SLC6A3: variants seen among roughly 807,000 people sequenced by gnomAD.
The protein encoded by SLC6A3 is sodium-dependent dopamine transporter.
Under a neutral mutation model 70.4 loss-of-function variants are expected in SLC6A3, and 19 were observed. The observed-to-expected ratio is 0.27, with a 90% confidence interval of 0.19 to 0.40. The LOEUF (loss-of-function observed/expected upper bound fraction) is 0.40, where lower values mean the gene tolerates loss of function less well. SLC6A3 is among the 10% of genes least tolerant of loss of function. The pLI, the probability that SLC6A3 is intolerant of heterozygous loss-of-function variation, is 1.00. For synonymous variants in SLC6A3, 368 were observed against 356.6 expected, an observed-to-expected ratio of 1.03 and a Z score of -0.36; for missense variants, 613 against 838.5, an observed-to-expected ratio of 0.73 and a Z score of 3.32.
intron 7 of SLC6A3, among the ~76,000 whole-genome samples, chr5:1,415,618 G>C (rs1267972786): frequency 2.0e-5 from 3 of 152,180 alleles, no homozygotes; most frequent in African/African-American, 7.2e-5. Context: ...ATAAAATTCT[G>C]TTTCTGTTTT....
intron 3 of SLC6A3, among the ~76,000 whole-genome samples, chr5:1,433,131 G>T (rs898371927): frequency 2.6e-5 from 4 of 152,108 alleles, no homozygotes; most frequent in Non-Finnish European, 5.9e-5. Context: ...GGATCATTGA[G>T]GCCATCTAGG....
rs1450031608 is a variant in SLC6A3 at position 1,442,774 on chromosome 5, CG to C, written c.286+137del. On this transcript the variant is annotated intron_variant, in intron 2 of 14. Coordinates refer to ENST00000270349, the MANE Select transcript of SLC6A3 (RefSeq NM_001044.5). This position sits in a 1 kb window ranked among gnomAD's most constrained non-coding sequence, Gnocchi z 5.0. ...TGACATCCTCTGGGAGGATCTGCACCGGCCGTGAGCTCTCACAGGGAGCTCC... is the reference window on the plus strand; with the variant it reads ...TGACATCCTCTGGGAGGATCTGCACCGCCGTGAGCTCTCACAGGGAGCTCC... 4 of 861,054 alleles carry C rather than the reference CG, an allele frequency of 4.6e-6. No individual in the cohort carries two copies. Among genetic ancestry groups the C allele is most frequent in the Non-Finnish European group, 7.7e-6 (4 of 518,566 alleles). 53.3% of individuals were successfully genotyped at this position (861,054 alleles called of 1,614,324 possible).
chr5:1,418,144 C>T (rs1478637021), intron 6 of SLC6A3, among the ~76,000 whole-genome samples: 2 of 152,166 alleles, frequency 1.3e-5, no homozygotes, highest in Non-Finnish European at 2.9e-5. Context: ...CCATGCTGGT[C>T]ATCAGCCACC....
Position 1,406,526 on chromosome 5 carries a change from C to T in SLC6A3, c.1499-238G>A, listed in dbSNP as rs543102189. Among the ~76,000 whole-genome samples, 1 of 152,274 alleles carries T rather than the reference C, an allele frequency of 6.6e-6. No homozygotes were observed. Among genetic ancestry groups the T allele is most frequent in the South Asian group, 2.1e-4 (1 of 4,828 alleles). ...AGATGCACCAGGAAGAGCCGTGCCC[C>T]GGTGGGTGCTCCCCGCGCCCCGGCA... On this transcript the variant is annotated intron_variant, in intron 11 of 14. Coordinates refer to ENST00000270349, the MANE Select transcript of SLC6A3 (RefSeq NM_001044.5). The surrounding 1 kb of genome is among the most constrained non-coding windows in gnomAD (Gnocchi z 8.8).
intron 8 of SLC6A3, among the ~76,000 whole-genome samples, 194 bp downstream of exon 8, chr5:1,414,497 C>CAGAGAAGGCACT (rs1560913041): frequency 2.2e-5 from 1 of 44,848 alleles, no homozygotes. Flanking sequence ...AGGGTCAGGG[C>CAGAGAAGGCACT]GGGGAAGGCG....
At chr5:1,415,558 TGAAA>T (rs1365025525) in intron 7 of SLC6A3, among the ~76,000 whole-genome samples, 1 of 152,080 alleles carries the variant, frequency 6.6e-6, no homozygotes, top group Non-Finnish European at 1.5e-5. Context: ...CCTCATGATG[TGAAA>T]GAAAGTAAGC....
rs369904277 is a variant in SLC6A3, at chr5:1,402,907, C to T, written c.1767+15G>A. 13 of 1,612,140 alleles carry T rather than the reference C, an allele frequency of 8.1e-6. No individual in the cohort carries two copies. Among genetic ancestry groups the T allele is most frequent in the Admixed American group, 3.3e-5 (2 of 59,978 alleles). ...GCCTCACACTCGGGTGAAGGCGCCC[C>T]GTCCAAATACCCACCTCTCGAAAGG... On this transcript the variant is annotated intron_variant, in intron 13 of 14. Transcript: ENST00000270349. This position sits in a 1 kb window ranked among gnomAD's most constrained non-coding sequence, Gnocchi z 8.5.
chr5:1,419,099 A>G (rs1023290142), intron 6 of SLC6A3, among the ~76,000 whole-genome samples: 1 of 146,558 alleles, frequency 6.8e-6, no homozygotes, highest in African/African-American at 2.6e-5. Flanking sequence ...GCTACCTATC[A>G]TTCATCCACC....
At position 1,442,252 on chromosome 5, in the gene SLC6A3, A is replaced by G. The variant is rs1309958710; in HGVS notation, c.286+660T>C. Among the ~76,000 whole-genome samples the G allele has an allele frequency of 3.9e-5, 6 of 152,078 alleles. No individual in the cohort carries two copies. The highest frequency in any genetic ancestry group is 7.2e-5 in the African/African-American group (3 of 41,406). On this transcript the variant is annotated intron_variant, in intron 2 of 14. Coordinates refer to ENST00000270349, the MANE Select transcript of SLC6A3 (RefSeq NM_001044.5). This position sits in a 1 kb window ranked among gnomAD's most constrained non-coding sequence, Gnocchi z 5.0. ...TTCCCCTCTTCAAGATGGGCATAAA[A>G]ATGCCAGCCTCCTCGCAGGCATCCT... is the stretch of plus-strand genomic sequence containing the variant.
intron 14 of SLC6A3, among the ~76,000 whole-genome samples, chr5:1,400,367 C>T (rs1384909307): frequency 6.6e-6 from 1 of 152,178 alleles, no homozygotes; most frequent in East Asian, 1.9e-4. Context: ...CGGGAATGCA[C>T]CTGCTCCACG....
In SLC6A3 at chr5:1,404,998, G is replaced by A. The variant is rs1755937481; in HGVS notation, c.1599+1190C>T. Among the ~76,000 whole-genome samples, 1 of 152,230 alleles carries A rather than the reference G, an allele frequency of 6.6e-6. No homozygotes were observed. The highest frequency in any genetic ancestry group is 2.4e-5 in the African/African-American group (1 of 41,474). On this transcript the variant is annotated intron_variant, in intron 12 of 14. Transcript: ENST00000270349. This position sits in a 1 kb window ranked among gnomAD's most constrained non-coding sequence, Gnocchi z 5.2. ...CTCAGTTTCAACTAATGGCGGGGGAGAGCGGGAGGTGGGCAGGAGGCTGAC... is the reference window on the plus strand; with the variant it reads ...CTCAGTTTCAACTAATGGCGGGGGAAAGCGGGAGGTGGGCAGGAGGCTGAC...
Position 1,421,792 on chromosome 5 carries a change from C to A in SLC6A3, c.792+84G>T. 2 of 1,472,134 alleles carry A rather than the reference C, an allele frequency of 1.4e-6. No individual in the cohort carries two copies. Among genetic ancestry groups the A allele is most frequent in the South Asian group, 1.1e-5 (1 of 88,264 alleles). 91.2% of individuals were successfully genotyped at this position (1,472,134 alleles called of 1,614,324 possible). On this transcript the variant is annotated intron_variant, in intron 5 of 14. Coordinates refer to ENST00000270349, the MANE Select transcript of SLC6A3 (RefSeq NM_001044.5). This position sits in a 1 kb window ranked among gnomAD's most constrained non-coding sequence, Gnocchi z 7.2. ...AGCACAAAACCCAACTGAGGCCACA[C>A]GTGCACCTCCTGTCCAGCCACGGCC...
Position 1,406,288 on chromosome 5 carries a change from C to A in SLC6A3, c.1499G>T (p.Gly500Val). The A allele has an allele frequency of 6.2e-7, 1 of 1,612,370 alleles. No homozygotes were observed. Among genetic ancestry groups the A allele is most frequent in the Non-Finnish European group, 8.5e-7 (1 of 1,179,440 alleles). The change falls in exon 12 of 15, where the codon GGT (glycine) becomes GTT (valine). Residue 500 changes from glycine (G) to valine (V), a missense_variant and splice_region_variant. Coordinates refer to ENST00000270349, the MANE Select transcript of SLC6A3 (RefSeq NM_001044.5). The surrounding 1 kb of genome is among the most constrained non-coding windows in gnomAD (Gnocchi z 8.8). ...IEAIGVAWFY[G>V]VGQFSDDIQQ... ...GATGTCGTCGCTGAACTGCCCAACACCTGAGGGAGAAGAGGTGGCATCAGT... is the reference window on the plus strand; with the variant it reads ...GATGTCGTCGCTGAACTGCCCAACAACTGAGGGAGAAGAGGTGGCATCAGT...
Position 1,421,934 on chromosome 5 carries a change from A to G in SLC6A3, c.734T>C (p.Val245Ala), listed in dbSNP as rs183450949. 1.2e-6 allele frequency: 2 copies of G among 1,613,200 alleles called. No homozygotes were observed. The highest frequency in any genetic ancestry group is 2.2e-5 in the East Asian group (1 of 44,890). The stretch of plus-strand genomic sequence containing the variant: ...GAAGTAGAGCAGCACGATGACCAGC[A>G]CCAGGCAGGCTGTGAGCTGCCACCG... ...PPRWQLTACL[V>A]LVIVLLYFSL... Residue 245 changes from valine to alanine, a missense_variant, in exon 5 of 15, where the codon GTG (valine) becomes GCG (alanine). Coordinates refer to ENST00000270349, the MANE Select transcript of SLC6A3 (RefSeq NM_001044.5). This position sits in a 1 kb window ranked among gnomAD's most constrained non-coding sequence, Gnocchi z 7.2.
chr5:1,418,015 T>C (rs1371137024), intron 6 of SLC6A3, among the ~76,000 whole-genome samples: 1 of 152,218 alleles, frequency 6.6e-6, no homozygotes, highest in Non-Finnish European at 1.5e-5. Context: ...TGGAGGCAGA[T>C]GGCCAGGCCC....
chr5:1,420,774 G>T (rs1254657707), intron 5 of SLC6A3, 71 bp from the exon 6 acceptor site: 1 of 1,563,934 alleles, frequency 6.4e-7, no homozygotes, highest in Non-Finnish European at 8.8e-7. Flanking sequence ...TGGCACAAGG[G>T]CACCGGGTTG....
intron 9 of SLC6A3, among the ~76,000 whole-genome samples, chr5:1,410,202 C>T (rs769667188): frequency 5.9e-5 from 9 of 152,308 alleles, no homozygotes; most frequent in East Asian, 1.9e-4. Context: ...GAGCAAGATG[C>T]GTCCCCCACA....
intron 2 of SLC6A3, 100 bp from the exon 3 acceptor site, chr5:1,441,590 G>A (rs929959529): frequency 3.6e-6 from 5 of 1,392,214 alleles, no homozygotes; most frequent in African/African-American, 2.9e-5. Flanking sequence ...CCATGTCCTG[G>A]CCCGACCGTT....
rs551082699 is a variant in SLC6A3, at chr5:1,404,959, C to A, written c.1599+1229G>T. On this transcript the variant is annotated intron_variant, in intron 12 of 14. Coordinates refer to ENST00000270349, the MANE Select transcript of SLC6A3 (RefSeq NM_001044.5). This position sits in a 1 kb window ranked among gnomAD's most constrained non-coding sequence, Gnocchi z 5.2. ...CACCCCCTCAAGGGGAGCCAACGTC[C>A]TCATGCAAAACAGCTCAGTTTCAAC... is the stretch of plus-strand genomic sequence containing the variant. 1.3e-5 allele frequency among the ~76,000 whole-genome samples: 2 copies of A among 152,334 alleles called. No individual in the cohort carries two copies. Among genetic ancestry groups the A allele is most frequent in the Non-Finnish European group, 2.9e-5 (2 of 68,032 alleles).
Sources: allele counts gnomAD v4.1 joint callset (sites outside exome capture counted in the v4.1 genomes callset), GRCh38; gene constraint gnomAD v4.1.1; non-coding constraint Gnocchi (gnomAD v3.1); transcripts MANE v1.5; gene names NCBI Gene and HGNC (gene_info 2026-07-23, HGNC 2026-07-21).